KSR2: variants seen among roughly 807,000 people sequenced by gnomAD.
KSR2 encodes kinase suppressor of ras 2.
Under a neutral mutation model 107.8 loss-of-function variants are expected in KSR2, and 25 were observed. That is an observed-to-expected ratio of 0.23 (90% CI 0.17 to 0.32). The LOEUF (loss-of-function observed/expected upper bound fraction) is 0.32. KSR2 is among the 10% of genes least tolerant of loss of function. The probability of loss-of-function intolerance (pLI) is 1.00; values close to 1 mark genes in which losing one functional copy is unlikely to be tolerated. For synonymous variants in KSR2, 480 were observed against 507.0 expected (o/e 0.95, Z 0.71); for missense variants, 887 against 1,268.9 (o/e 0.70, Z 4.57).
At chr12:117,807,066 C>T (rs898716679) in intron 3 of KSR2, among the ~76,000 whole-genome samples, 1 of 152,206 alleles carries the variant, frequency 6.6e-6, no homozygotes, top group African/African-American at 2.4e-5. Flanking sequence ...AGCTGTGACA[C>T]TTCCTTTTCA....
chr12:117,756,161 A>C (rs1411798715), intron 4 of KSR2, among the ~76,000 whole-genome samples: 1 of 152,240 alleles, frequency 6.6e-6, no homozygotes, highest in Non-Finnish European at 1.5e-5. Flanking sequence ...AGATCTAGCT[A>C]TGATCACTGA....
chr12:117,517,440 TAC>T (rs1429116181), intron 14 of KSR2, among the ~76,000 whole-genome samples: 2 of 152,340 alleles, frequency 1.3e-5, no homozygotes, highest in African/African-American at 4.8e-5. Context: ...TGTAATAAGA[TAC>T]ACAGTTTTTT....
chr12:117,749,664 T>C (rs1379018190), intron 4 of KSR2, among the ~76,000 whole-genome samples: 2 of 152,278 alleles, frequency 1.3e-5, no homozygotes, highest in East Asian at 3.9e-4. Context: ...AATGTGACAA[T>C]AGATGATTCA....
At chr12:117,963,611 C>A (rs988158462) in intron 1 of KSR2, among the ~76,000 whole-genome samples, 5 of 149,818 alleles carry the variant, frequency 3.3e-5, no homozygotes, top group African/African-American at 9.9e-5. Flanking sequence ...TCAAAAAAAA[C>A]AAAACAAAAA....
chr12:117,849,992 G>A (rs148120625), intron 3 of KSR2, among the ~76,000 whole-genome samples: 243 of 152,382 alleles, frequency 1.6e-3, no homozygotes, highest in Middle Eastern at 0.014. Flanking sequence ...GTAAGAGTAT[G>A]ATGGGAAAGA....
intron 3 of KSR2, among the ~76,000 whole-genome samples, chr12:117,781,191 C>T: frequency 6.6e-6 from 1 of 152,212 alleles, no homozygotes; most frequent in East Asian, 1.9e-4. Context: ...CTTTGCTTTT[C>T]CTTCGTCTTC....
At chr12:117,845,629 C>T (rs1892672189) in intron 3 of KSR2, among the ~76,000 whole-genome samples, 1 of 151,948 alleles carries the variant, frequency 6.6e-6, no homozygotes, top group African/African-American at 2.4e-5. Context: ...TGAGCTGATT[C>T]AACCCATTGA....
At chr12:117,585,871 A>C (rs1282451749) in intron 5 of KSR2, among the ~76,000 whole-genome samples, 1 of 152,230 alleles carries the variant, frequency 6.6e-6, no homozygotes, top group Non-Finnish European at 1.5e-5. Flanking sequence ...CAGGAGTAGA[A>C]TAATAGACAT....
intron 4 of KSR2, chr12:117,674,261 C>A (rs1165724621): frequency 2.0e-6 from 1 of 503,938 alleles, no homozygotes; most frequent in Non-Finnish European, 4.0e-6. Context: ...TGTTCTGGTC[C>A]AAGCCACCAC....
chr12:117,749,248 G>A (rs896390213), intron 4 of KSR2, among the ~76,000 whole-genome samples: 4 of 151,398 alleles, frequency 2.6e-5, no homozygotes, highest in African/African-American at 9.7e-5. Context: ...GTACAGCTAG[G>A]GAGTATAAGG....
At chr12:117,757,188 G>A (rs1195828158) in intron 4 of KSR2, among the ~76,000 whole-genome samples, 1 of 152,168 alleles carries the variant, frequency 6.6e-6, no homozygotes, top group South Asian at 2.1e-4. Context: ...CAACCCTCAT[G>A]GATGACTTTG....
In KSR2 at chr12:117,734,592, A is replaced by G. The variant is rs775762134; in HGVS notation, c.986+26419T>C. Among the ~76,000 whole-genome samples the G allele has an allele frequency of 2.9e-4, 44 of 152,184 alleles. 2 individuals are homozygous for G. The highest frequency in any genetic ancestry group is 1.4e-3 in the East Asian group (7 of 5,174). On this transcript the variant is annotated intron_variant, in intron 4 of 19. Transcript: ENST00000339824. ...TCCCTCTTAATCCTTCTCATTGTACATTGTTGTTTCAGTCTGCTGACTTAT... is the reference window on the plus strand; with the variant it reads ...TCCCTCTTAATCCTTCTCATTGTACGTTGTTGTTTCAGTCTGCTGACTTAT...
chr12:117,589,232 C>T (rs1208488908), intron 5 of KSR2, among the ~76,000 whole-genome samples: 1 of 152,146 alleles, frequency 6.6e-6, no homozygotes, highest in Non-Finnish European at 1.5e-5. Context: ...TCGCTAAACC[C>T]TGTTGGATAA....
chr12:117,780,282 C>A (rs1205662541), intron 3 of KSR2, among the ~76,000 whole-genome samples: 1 of 152,156 alleles, frequency 6.6e-6, no homozygotes, highest in East Asian at 1.9e-4. Flanking sequence ...TAGCATTATT[C>A]ACGATAGCCA....
At chr12:117,742,716 G>A (rs964126393) in intron 4 of KSR2, among the ~76,000 whole-genome samples, 2 of 152,184 alleles carry the variant, frequency 1.3e-5, no homozygotes. Context: ...TTTTAAAGAG[G>A]TAGAGGTTCC....
intron 1 of KSR2, among the ~76,000 whole-genome samples, chr12:117,928,611 A>G (rs1220049123): frequency 6.6e-6 from 1 of 152,208 alleles, no homozygotes; most frequent in Non-Finnish European, 1.5e-5. Flanking sequence ...TATTGCAAAT[A>G]ATGCTGTCAT....
chr12:117,688,216 C>A (rs546115861), intron 4 of KSR2, among the ~76,000 whole-genome samples: 1 of 152,092 alleles, frequency 6.6e-6, no homozygotes, highest in Non-Finnish European at 1.5e-5. Context: ...CCCGTCTCTA[C>A]GAAAAATACA....
Position 117,463,347 on chromosome 12 carries a change from T to C in KSR2, c.*3852A>G, listed in dbSNP as rs1870997068. ...CCTGAGAGCCATATCCAACCCTCTC[T>C]ATCAAAGGCTCCTGTTCCTCCCCTG... On this transcript the variant is annotated 3_prime_UTR_variant, in exon 20 of 20. Transcript: ENST00000339824. 1 of 152,172 alleles carries C rather than the reference T, an allele frequency of 6.6e-6. No homozygotes were observed. The allele number at this position is 152,172 out of a possible 1,614,324, so 9.4% of individuals were successfully genotyped here.
chr12:117,564,075 C>T (rs1878299558), intron 7 of KSR2, among the ~76,000 whole-genome samples: 1 of 152,178 alleles, frequency 6.6e-6, no homozygotes, highest in Non-Finnish European at 1.5e-5. Context: ...CCCTTGGCTC[C>T]TCATGCTGTC....
Sources: gnomAD v4.1 joint callset for allele counts (sites outside exome capture counted in the v4.1 genomes callset) on GRCh38, gnomAD v4.1.1 for gene constraint, MANE v1.5 for transcripts, NCBI Gene and HGNC (gene_info 2026-07-23, HGNC 2026-07-21) for gene names.